The following WDR86 variants were observed in gnomAD, a reference collection of about 807,000 sequenced individuals.
WDR86 encodes the protein WD repeat-containing protein 86.
A neutral mutation model predicts 36.5 loss-of-function variants in WDR86; 30 were observed. That is an observed-to-expected ratio of 0.82 (90% CI 0.61 to 1.11). The LOEUF is 1.11. WDR86 is among the 50% of genes most tolerant of loss of function. The pLI is 0.00. For missense variants in WDR86, 545 were observed against 561.2 expected (o/e 0.97, Z 0.29); for synonymous variants, 255 against 252.9 (o/e 1.01, Z -0.08).
At chr7:151,397,481 T>C (rs1301609812) in intron 2 of WDR86, among the ~76,000 whole-genome samples, 1 of 152,234 alleles carries the variant, frequency 6.6e-6, no homozygotes, top group African/African-American at 2.4e-5. Flanking sequence ...TGGAGCGCAG[T>C]GGCACGATCT....
In WDR86 at chr7:151,396,211, G is replaced by A. The variant is rs868554346; in HGVS notation, c.306-15C>T. 1 of 1,612,660 alleles carries A rather than the reference G, an allele frequency of 6.2e-7. No homozygotes were observed. Among genetic ancestry groups the A allele is most frequent in the African/African-American group, 1.3e-5 (1 of 74,924 alleles). On this transcript the variant is annotated splice_polypyrimidine_tract_variant and intron_variant, in intron 2 of 5. Coordinates refer to ENST00000334493, the MANE Select transcript of WDR86 (RefSeq NM_198285.3). ...CAACCAGGATCCTGGGGGCAAGAGGGAAGGGGTCAGGGATCAGAAGGCACG... is the reference window on the plus strand; with the variant it reads ...CAACCAGGATCCTGGGGGCAAGAGGAAAGGGGTCAGGGATCAGAAGGCACG...
rs1334636832 is a variant in WDR86 at position 151,406,344 on chromosome 7, G to A, written c.163+3083C>T. Among the ~76,000 whole-genome samples, 1 of 152,116 alleles carries A rather than the reference G, an allele frequency of 6.6e-6. No individual in the cohort carries two copies. Among genetic ancestry groups the A allele is most frequent in the Non-Finnish European group, 1.5e-5 (1 of 68,018 alleles). On this transcript the variant is annotated intron_variant, in intron 1 of 5. Transcript: ENST00000334493. The surrounding 1 kb of genome is among the most constrained non-coding windows in gnomAD (Gnocchi z 4.4). ...CTCTGCGAGACACCCAGGAAAGCCT[G>A]CGGTCCCTGATTGCCCCTGCTGCCA... is the stretch of plus-strand genomic sequence containing the variant.
Position 151,381,180 on chromosome 7 carries a change from T to A in WDR86, c.*402A>T. The stretch of plus-strand genomic sequence containing the variant: ...CCCCAAGGCCCTCGAGACGGACGAT[T>A]TGCCAAAATAACCAGGTTCAGTGGC... On this transcript the variant is annotated 3_prime_UTR_variant, in exon 6 of 6. Coordinates refer to ENST00000334493, the MANE Select transcript of WDR86 (RefSeq NM_198285.3). This position sits in a 1 kb window ranked among gnomAD's most constrained non-coding sequence, Gnocchi z 4.8. 1 of 1,251,114 alleles carries A rather than the reference T, an allele frequency of 8.0e-7. No individual in the cohort carries two copies. Among genetic ancestry groups the A allele is most frequent in the Non-Finnish European group, 1.0e-6 (1 of 1,000,536 alleles). 77.5% of individuals were successfully genotyped at this position (1,251,114 alleles called of 1,614,324 possible).
chr7:151,405,666 C>T lies in WDR86; in HGVS notation c.163+3761G>A, dbSNP rs913639430. Among the ~76,000 whole-genome samples the T allele has an allele frequency of 8.5e-5, 13 of 152,250 alleles. No individual in the cohort carries two copies. The highest frequency in any genetic ancestry group is 1.3e-4 in the Admixed American group (2 of 15,300). ...GCTTTCTGGACTTCTCCGGTGGGAG[C>T]GGTCAGTTGCCCCCAAGCTGTGTGA... On this transcript the variant is annotated intron_variant, in intron 1 of 5. Transcript: ENST00000334493. The surrounding 1 kb of genome is among the most constrained non-coding windows in gnomAD (Gnocchi z 4.7).
rs933147263 is a variant in WDR86, at chr7:151,381,676, C to A, written c.1037G>T (p.Arg346Leu). 7.0e-7 allele frequency: 1 copy of A among 1,427,568 alleles called. No individual in the cohort carries two copies. 88.4% of individuals were successfully genotyped at this position (1,427,568 alleles called of 1,614,324 possible). A position where few individuals can be genotyped will look rare whatever the true frequency, so the allele number is the denominator to read the frequency against. The change falls in exon 6 of 6, where the codon CGA becomes CTA. Residue 346 changes from arginine to leucine, a missense_variant. Coordinates refer to ENST00000334493, the MANE Select transcript of WDR86 (RefSeq NM_198285.3). This position sits in a 1 kb window ranked among gnomAD's most constrained non-coding sequence, Gnocchi z 4.8. ...GGGCGGAGGGGGCCGCGGGGCACCT[C>A]GGAGCCCGCGCACGTCCCAGAGGCG... is the stretch of plus-strand genomic sequence containing the variant. Reference protein sequence around the residue: ...ALRLWDVRGLRGAPRPPPPMR... With the variant: ...ALRLWDVRGLLGAPRPPPPMR...
chr7:151,400,274 ACTGGGGATGCCAGCTC>A (rs751482501), intron 1 of WDR86, 33 bp from the exon 2 acceptor site: 4 of 1,528,294 alleles, frequency 2.6e-6, no homozygotes, highest in Non-Finnish European at 3.5e-6. Flanking sequence ...ATGTGAGCGT[ACTGGGGATGCCAGCTC>A]CTGCTTTTCT....
intron 3 of WDR86, among the ~76,000 whole-genome samples, chr7:151,391,812 G>A (rs944309328): frequency 1.3e-5 from 2 of 152,048 alleles, no homozygotes; most frequent in African/African-American, 4.8e-5. Context: ...GAATCTAGGA[G>A]TCCAAGTACA....
chr7:151,374,203 T>C (rs1798097578), downstream of WDR86: 2 of 1,568,816 alleles, frequency 1.3e-6, no homozygotes, highest in African/African-American at 2.7e-5. Context: ...GCCCAGCAGG[T>C]ACTCCACGCA....
intron 2 of WDR86, among the ~76,000 whole-genome samples, chr7:151,397,265 C>G (rs989714458): frequency 6.6e-6 from 1 of 152,202 alleles, no homozygotes; most frequent in Non-Finnish European, 1.5e-5. Flanking sequence ...GAGACCCACT[C>G]GGGACAAGCC....
Position 151,409,215 on chromosome 7 carries a change from C to A in WDR86, c.163+212G>T. On this transcript the variant is annotated intron_variant, in intron 1 of 5. Transcript: ENST00000334493. The surrounding 1 kb of genome is among the most constrained non-coding windows in gnomAD (Gnocchi z 5.2). ...CACCCGATCCCGGCCGCACCCTGCTCTGCACCCGCACCCCACCCCCAGACC... is the reference window on the plus strand; with the variant it reads ...CACCCGATCCCGGCCGCACCCTGCTATGCACCCGCACCCCACCCCCAGACC... The A allele has an allele frequency of 2.7e-6, 2 of 746,302 alleles. No individual in the cohort carries two copies. The highest frequency in any genetic ancestry group is 4.4e-6 in the Non-Finnish European group (2 of 456,194). The allele number at this position is 746,302 out of a possible 1,614,324, so 46.2% of individuals were successfully genotyped here.
chr7:151,375,859 C>T (rs1487975929), downstream of WDR86: 5 of 1,609,486 alleles, frequency 3.1e-6, no homozygotes, highest in Non-Finnish European at 4.3e-6. Flanking sequence ...TTCTGCTCAG[C>T]AATCCTCAGA....
chr7:151,408,026 A>G (rs1288982630), intron 1 of WDR86, among the ~76,000 whole-genome samples: 1 of 151,872 alleles, frequency 6.6e-6, no homozygotes, highest in Non-Finnish European at 1.5e-5. Context: ...CATATTTTCC[A>G]TTCCTGGTTG....
chr7:151,386,586 T>C (rs1423918009), intron 3 of WDR86, among the ~76,000 whole-genome samples: 1 of 152,108 alleles, frequency 6.6e-6, no homozygotes, highest in Non-Finnish European at 1.5e-5. Context: ...TTTGGCAGGG[T>C]TCCAGAACAT....
rs1437062621 is a variant in WDR86, at chr7:151,409,035, CA to C, written c.163+391del. On this transcript the variant is annotated intron_variant, in intron 1 of 5. Transcript: ENST00000334493. The surrounding 1 kb of genome is among the most constrained non-coding windows in gnomAD (Gnocchi z 5.2). Reference sequence around the variant, plus strand: ...GCCAGCAGAAGAGCACAATTGGCCACAAAGAGGCCACAAGGCACCTAGAGAC... The same window carrying C: ...GCCAGCAGAAGAGCACAATTGGCCACAAGAGGCCACAAGGCACCTAGAGAC... The C allele has an allele frequency of 4.0e-6, 2 of 495,242 alleles. No homozygotes were observed. The highest frequency in any genetic ancestry group is 3.1e-5 in the South Asian group (2 of 64,760). 30.7% of individuals were successfully genotyped at this position (495,242 alleles called of 1,614,324 possible).
At position 151,388,543 on chromosome 7, in the gene WDR86, C is replaced by T. The variant is rs182789020; in HGVS notation, c.727-3320G>A. On this transcript the variant is annotated intron_variant, in intron 3 of 5. Transcript: ENST00000334493. This position sits in a 1 kb window ranked among gnomAD's most constrained non-coding sequence, Gnocchi z 4.2. ...GCAGGTCCTCACACCATCTCTGGCCCGACCCTCTCCAAAGGAGGCCTGTGT... is the reference window on the plus strand; with the variant it reads ...GCAGGTCCTCACACCATCTCTGGCCTGACCCTCTCCAAAGGAGGCCTGTGT... Among the ~76,000 whole-genome samples, 30 of 152,304 alleles carry T rather than the reference C, an allele frequency of 2.0e-4. 1 individual carries two copies. The highest frequency in any genetic ancestry group is 1.4e-3 in the Admixed American group (22 of 15,304).
rs921370993 is a variant in WDR86, at chr7:151,390,768, T to C, written c.726+5008A>G. ...ACACAGACGAACCCTGAAGATCTTATGCTCATGAAATAAGCCAGACAGGAA... is the reference window on the plus strand; with the variant it reads ...ACACAGACGAACCCTGAAGATCTTACGCTCATGAAATAAGCCAGACAGGAA... On this transcript the variant is annotated intron_variant, in intron 3 of 5. Transcript: ENST00000334493. This position sits in a 1 kb window ranked among gnomAD's most constrained non-coding sequence, Gnocchi z 4.5. 9.2e-5 allele frequency among the ~76,000 whole-genome samples: 14 copies of C among 152,230 alleles called. No individual in the cohort carries two copies. The highest frequency in any genetic ancestry group is 1.8e-4 in the Non-Finnish European group (12 of 68,044).
Position 151,406,471 on chromosome 7 carries a change from T to A in WDR86, c.163+2956A>T, listed in dbSNP as rs1284351613. 6.6e-6 allele frequency among the ~76,000 whole-genome samples: 1 copy of A among 152,180 alleles called. No individual in the cohort carries two copies. The highest frequency in any genetic ancestry group is 2.4e-5 in the African/African-American group (1 of 41,450). On this transcript the variant is annotated intron_variant, in intron 1 of 5. Coordinates refer to ENST00000334493, the MANE Select transcript of WDR86 (RefSeq NM_198285.3). This position sits in a 1 kb window ranked among gnomAD's most constrained non-coding sequence, Gnocchi z 4.4. ...AGGACCGGCCAACCACAGGCTCTTG[T>A]GGGCCCAGAGCTGTGCAAGGGCCAG...
chr7:151,375,059 T>A (rs1472400661), downstream of WDR86, among the ~76,000 whole-genome samples: 4 of 144,624 alleles, frequency 2.8e-5, no homozygotes, highest in South Asian at 9.1e-4. Flanking sequence ...GGGGGTGGGG[T>A]GCAGGGCAGG....
rs748328168 is a variant in WDR86, at chr7:151,388,826, C to A, written c.727-3603G>T. Among the ~76,000 whole-genome samples, 1 of 152,080 alleles carries A rather than the reference C, an allele frequency of 6.6e-6. No individual in the cohort carries two copies. The highest frequency in any genetic ancestry group is 1.5e-5 in the Non-Finnish European group (1 of 68,016). ...AAGCTATGGTCTGAGTGTCGGAACC[C>A]CCCAAATTCATGCTGGAACTTAACC... On this transcript the variant is annotated intron_variant, in intron 3 of 5. Transcript: ENST00000334493. The surrounding 1 kb of genome is among the most constrained non-coding windows in gnomAD (Gnocchi z 4.2).
Sources: gnomAD v4.1 joint callset for allele counts (sites outside exome capture counted in the v4.1 genomes callset) on GRCh38, gnomAD v4.1.1 for gene constraint, Gnocchi (gnomAD v3.1) non-coding constraint, MANE v1.5 for transcripts, NCBI Gene and HGNC (gene_info 2026-07-23, HGNC 2026-07-21) for gene names.